CDC73: variants seen among roughly 807,000 people sequenced by gnomAD.
The protein encoded by CDC73 is cell division cycle 73, also known as parafibromin.
A neutral mutation model predicts 83.7 loss-of-function variants in CDC73; 21 were observed. The ratio of observed to expected loss-of-function variants is 0.25; its 90% confidence interval spans 0.18 to 0.36. CDC73 has a LOEUF of 0.36. CDC73 is among the 10% of genes least tolerant of loss of function. The pLI is 1.00. For missense variants in CDC73, 342 were observed against 653.3 expected (o/e 0.52, Z 5.19); for synonymous variants, 224 against 212.9 (o/e 1.05, Z -0.45).
chr1:193,212,471 A>G lies in CDC73; in HGVS notation c.1148A>G (p.Asp383Gly). ...CTTAATGCAAAAGACCTTCTACAGG[A>G]CCTGAAGTAAGTAATTTATTAAACT... The part of the protein sequence containing the change: ...TMLNAKDLLQ[D>G]LKFVPSDEKK... Residue 383 changes from aspartate (D) to glycine (G), a missense_variant, in exon 13 of 17, where the codon GAC (aspartate) becomes GGC (glycine). Transcript: ENST00000367435. 1.9e-6 allele frequency: 3 copies of G among 1,563,478 alleles called. No individual in the cohort carries two copies. Among genetic ancestry groups the G allele is most frequent in the Non-Finnish European group, 2.6e-6 (3 of 1,135,128 alleles).
In CDC73 at chr1:193,212,395, C is replaced by T. The variant is rs771907995; in HGVS notation, c.1072C>T (p.Arg358Ter). ...RPPPNQKKGSRTPIIIIPAAT... is the reference protein window; with the variant it reads ...RPPPNQKKGS ...TGTAAATTTTGTCTTTATAGGATCT[C>T]GAACACCCATTATCATAATTCCTGC... The change falls in exon 13 of 17, where the codon CGA becomes TGA. Residue 358 changes from arginine to a stop codon, truncating the protein, a stop_gained. Transcript: ENST00000367435. LOFTEE classifies it high-confidence loss of function. The T allele has an allele frequency of 1.3e-6, 2 of 1,593,008 alleles. No homozygotes were observed. The highest frequency in any genetic ancestry group is 8.6e-7 in the Non-Finnish European group (1 of 1,165,954).
chr1:193,145,765 A>G (rs1404721418), intron 7 of CDC73, among the ~76,000 whole-genome samples: 1 of 152,180 alleles, frequency 6.6e-6, no homozygotes, highest in Non-Finnish European at 1.5e-5. Context: ...TAGCACTGCA[A>G]CTGGTATAGT....
At position 193,130,215 on chromosome 1, in the gene CDC73, T is replaced by A. The variant is rs2103117911; in HGVS notation, c.279T>A (p.Asp93Glu). Residue 93 changes from aspartate to glutamate, a missense_variant, in exon 3 of 17, where the codon GAT (aspartate) becomes GAA (glutamate). Physicochemically the swap from Asp to Glu is conservative, Grantham distance 45. Transcript: ENST00000367435. The stretch of plus-strand genomic sequence containing the variant: ...TGGTTAGAAGACCTGATCGAAAAGA[T>A]CTACTTGGATATCTCAATGGTGAAG... ...IPVVRRPDRK[D>E]LLGYLNGEAS... The A allele has an allele frequency of 6.2e-7, 1 of 1,605,378 alleles. No homozygotes were observed. The highest frequency in any genetic ancestry group is 8.5e-7 in the Non-Finnish European group (1 of 1,172,384).
rs886045724 is a variant in CDC73, at chr1:193,252,570, C to G, written c.*1858C>G. 1 of 230,816 alleles carries G rather than the reference C, an allele frequency of 4.3e-6. No homozygotes were observed. 14.3% of individuals were successfully genotyped at this position (230,816 alleles called of 1,614,324 possible). ...ATTTTGAATTTGCCTTATGTATATT[C>G]AAAGGCTTATGGAAATACTGTAAAG... On this transcript the variant is annotated 3_prime_UTR_variant, in exon 17 of 17. Coordinates refer to ENST00000367435, the MANE Select transcript of CDC73 (RefSeq NM_024529.5).
chr1:193,187,565 T>C (rs927243622), intron 10 of CDC73, among the ~76,000 whole-genome samples: 2 of 152,132 alleles, frequency 1.3e-5, no homozygotes, highest in Non-Finnish European at 2.9e-5. Context: ...AAGCCTTTAT[T>C]ATCAGTTTTT....
At chr1:193,209,261 C>G (rs1332555260) in intron 11 of CDC73, among the ~76,000 whole-genome samples, 1 of 152,146 alleles carries the variant, frequency 6.6e-6, no homozygotes, top group Non-Finnish European at 1.5e-5. Context: ...AGCACACTTG[C>G]TTGAGTAGCG....
intron 10 of CDC73, among the ~76,000 whole-genome samples, chr1:193,190,180 T>G (rs1676894197): frequency 6.6e-6 from 1 of 152,236 alleles, no homozygotes; most frequent in African/African-American, 2.4e-5. Context: ...TTAGATCAGG[T>G]ATAATTTCCA....
chr1:193,209,493 T>C (rs1275135928), intron 11 of CDC73, among the ~76,000 whole-genome samples: 1 of 152,168 alleles, frequency 6.6e-6, no homozygotes, highest in Non-Finnish European at 1.5e-5. Context: ...AATAAGGATA[T>C]GAACTAAAAT....
intron 10 of CDC73, among the ~76,000 whole-genome samples, chr1:193,163,820 C>G (rs1676385879): frequency 6.6e-6 from 1 of 151,918 alleles, no homozygotes; most frequent in Non-Finnish European, 1.5e-5. Flanking sequence ...CTCTTGTCAC[C>G]CAGGCTGGAG....
At chr1:193,170,354 C>G (rs2103149342) in intron 10 of CDC73, among the ~76,000 whole-genome samples, 1 of 152,288 alleles carries the variant, frequency 6.6e-6, no homozygotes, top group Non-Finnish European at 1.5e-5. Flanking sequence ...CTCTTTAGGT[C>G]TTTGAGGAAT....
At chr1:193,229,676 C>T (rs752409535) in intron 13 of CDC73, among the ~76,000 whole-genome samples, 4 of 152,136 alleles carry the variant, frequency 2.6e-5, no homozygotes, top group Non-Finnish European at 4.4e-5. Context: ...CCGAAATGTC[C>T]ACTAGCAGGA....
At chr1:193,211,324 G>A (rs967574557) in intron 11 of CDC73, among the ~76,000 whole-genome samples, 1 of 152,198 alleles carries the variant, frequency 6.6e-6, no homozygotes, top group Non-Finnish European at 1.5e-5. Flanking sequence ...AAAGGCAAAA[G>A]TAGCACGAAT....
Position 193,221,301 on chromosome 1 carries a change from C to G in CDC73, c.1154+8824C>G, listed in dbSNP as rs148687500. On this transcript the variant is annotated intron_variant, in intron 13 of 16. Transcript: ENST00000367435. ...TGCATTTATCTCCAAATTGAAATACCTTTTTTGATACATAGTAGTCATATC... is the reference window on the plus strand; with the variant it reads ...TGCATTTATCTCCAAATTGAAATACGTTTTTTGATACATAGTAGTCATATC... Among the ~76,000 whole-genome samples the G allele has an allele frequency of 3.3e-3, 506 of 152,130 alleles. 3 individuals carry two copies. Among genetic ancestry groups the G allele is most frequent in the Non-Finnish European group, 5.3e-3 (362 of 67,990 alleles).
chr1:193,170,406 T>C (rs575677012), intron 10 of CDC73, among the ~76,000 whole-genome samples: 12 of 152,334 alleles, frequency 7.9e-5, no homozygotes, highest in African/African-American at 2.6e-4. Context: ...ATTTACACTT[T>C]CATCAACAAT....
At chr1:193,242,036 A>G (rs1677871077) in intron 15 of CDC73, among the ~76,000 whole-genome samples, 1 of 150,088 alleles carries the variant, frequency 6.7e-6, no homozygotes, top group African/African-American at 2.4e-5. Flanking sequence ...TAAATACGTG[A>G]CTGTTGGAGT....
At chr1:193,122,432 G>C in intron 1 of CDC73, 101 bp downstream of exon 1, 2 of 1,450,644 alleles carry the variant, frequency 1.4e-6, no homozygotes, top group South Asian at 2.3e-5. Flanking sequence ...CTGGGGATGG[G>C]ATAAAACGGG....
intron 13 of CDC73, among the ~76,000 whole-genome samples, chr1:193,232,045 A>C (rs1475044615): frequency 1.3e-5 from 2 of 152,210 alleles, no homozygotes; most frequent in Non-Finnish European, 2.9e-5. Context: ...GGTAATAGCT[A>C]TCCAGATTGC....
chr1:193,215,850 G>GA, intron 13 of CDC73, among the ~76,000 whole-genome samples: 1 of 152,102 alleles, frequency 6.6e-6, no homozygotes, highest in Non-Finnish European at 1.5e-5. Flanking sequence ...TTGGCCTCCC[G>GA]AAGGGCTGGG....
At chr1:193,169,799 C>T (rs1040151628) in intron 10 of CDC73, among the ~76,000 whole-genome samples, 3 of 148,054 alleles carry the variant, frequency 2.0e-5, no homozygotes, top group East Asian at 2.0e-4. Flanking sequence ...AATTTTATTT[C>T]TTTTTTTTTT....
Sources: gnomAD v4.1 joint callset for allele counts (sites outside exome capture counted in the v4.1 genomes callset) on GRCh38, gnomAD v4.1.1 for gene constraint, MANE v1.5 for transcripts, NCBI Gene and HGNC (gene_info 2026-07-23, HGNC 2026-07-21) for gene names.